The following MRTFA variants were observed in gnomAD, a reference collection of about 807,000 sequenced individuals.
MRTFA encodes myocardin related transcription factor A, also known as myocardin-related transcription factor A.
In MRTFA, 20 loss-of-function variants were observed where a neutral mutation model predicts 83.5. That is an observed-to-expected ratio of 0.24 (90% CI 0.17 to 0.35). The LOEUF (loss-of-function observed/expected upper bound fraction) is 0.35, where lower values mean the gene tolerates loss of function less well. Among genes scored for constraint, MRTFA ranks in the 10% least tolerant of loss-of-function variants. MRTFA has a pLI of 1.00. For missense variants in MRTFA, 1,200 were observed against 1,224.7 expected (o/e 0.98, Z 0.30); for synonymous variants, 659 against 541.2 (o/e 1.22, Z -3.02).
Position 40,420,461 on chromosome 22 carries a change from T to C in MRTFA, c.1297A>G (p.Ser433Gly), listed in dbSNP as rs762364841. The C allele has an allele frequency of 6.2e-7, 1 of 1,613,790 alleles. No homozygotes were observed. Among genetic ancestry groups the C allele is most frequent in the Non-Finnish European group, 8.5e-7 (1 of 1,180,024 alleles). ...CCCGGCTTGCCAGTCAGTGAGGTGCTGTTCTGACGTGCCAGCCCACAGGGC... is the reference window on the plus strand; with the variant it reads ...CCCGGCTTGCCAGTCAGTGAGGTGCCGTTCTGACGTGCCAGCCCACAGGGC... The change falls in exon 11 of 15, where the codon AGC (serine) becomes GGC (glycine). Residue 433 changes from serine to glycine, a missense_variant. Ser to Gly is a moderately conservative substitution (Grantham distance 56). Around this residue, in one of 2 missense-constraint regions of MRTFA, gnomAD observed 1,107 missense variants for 1,041.8 expected, o/e 1.06. Transcript: ENST00000355630.
At chr22:40,598,882 T>G (rs1220691434) in intron 1 of MRTFA, among the ~76,000 whole-genome samples, 1 of 151,158 alleles carries the variant, frequency 6.6e-6, no homozygotes, top group Non-Finnish European at 1.5e-5. Flanking sequence ...TCCCAGCTAC[T>G]TGGGAGGCTG....
intron 4 of MRTFA, among the ~76,000 whole-genome samples, chr22:40,444,665 GCCA>G (rs890422871): frequency 2.0e-5 from 3 of 152,140 alleles, no homozygotes; most frequent in African/African-American, 7.2e-5. Flanking sequence ...TCGACGTGTA[GCCA>G]CCACATTCAT....
rs906235323 is a variant in MRTFA, at chr22:40,505,659, A to T, written c.242-42373T>A. 1.3e-4 allele frequency among the ~76,000 whole-genome samples: 20 copies of T among 152,170 alleles called. 1 individual carries two copies. The highest frequency in any genetic ancestry group is 5.9e-5 in the Non-Finnish European group (4 of 68,024). On this transcript the variant is annotated intron_variant, in intron 3 of 14. Transcript: ENST00000355630. ...GGAACCTCCCTCATGAATGGGATTA[A>T]AGCCCTTATTAAAGAGGCTTCACAC...
Position 40,419,241 on chromosome 22 carries a change from G to A in MRTFA, c.1497C>T (p.Ile499=). 6.2e-7 allele frequency: 1 copy of A among 1,611,058 alleles called. No individual in the cohort carries two copies. Among genetic ancestry groups the A allele is most frequent in the Non-Finnish European group, 8.5e-7 (1 of 1,178,778 alleles). Residue 499 remains isoleucine (I), a synonymous_variant, in exon 12 of 15, where the codon ATC becomes ATT. Coordinates refer to ENST00000355630, the MANE Select transcript of MRTFA (RefSeq NM_020831.6). Reference sequence around the variant, plus strand: ...CCACCACCTCGCCAGCCTTGTGCAGGATAGAGGTGGCGGCAGGGGCCTTGG... The same window carrying A: ...CCACCACCTCGCCAGCCTTGTGCAGAATAGAGGTGGCGGCAGGGGCCTTGG...
At chr22:40,581,179 T>G (rs2055941498) in intron 2 of MRTFA, among the ~76,000 whole-genome samples, 1 of 152,164 alleles carries the variant, frequency 6.6e-6, no homozygotes, top group Non-Finnish European at 1.5e-5. Flanking sequence ...TAGACCTGAT[T>G]TGTCCATTCT....
At position 40,424,350 on chromosome 22, in the gene MRTFA, G is replaced by A; in HGVS notation, c.633C>T (p.Asp211=). ...TGCTGTCCTCATCGAAGGAAGAGCT[G>A]TCTGCTACTTTGGGATAGTTCACCT... is the stretch of plus-strand genomic sequence containing the variant. Residue 211 remains aspartate, a synonymous_variant, in exon 8 of 15, where the codon GAC becomes GAT. Transcript: ENST00000355630. 1 of 1,613,722 alleles carries A rather than the reference G, an allele frequency of 6.2e-7. No individual in the cohort carries two copies. Among genetic ancestry groups the A allele is most frequent in the Non-Finnish European group, 8.5e-7 (1 of 1,179,806 alleles).
At chr22:40,419,529 C>T (rs1732339971) in intron 11 of MRTFA, 145 bp from the exon 12 acceptor site, 2 of 695,920 alleles carry the variant, frequency 2.9e-6, no homozygotes, top group South Asian at 1.7e-5. Flanking sequence ...GTGCAATGCC[C>T]CCCACCACCT....
At chr22:40,525,999 G>A (rs534235176) in intron 3 of MRTFA, among the ~76,000 whole-genome samples, 126 of 151,880 alleles carry the variant, frequency 8.3e-4, no homozygotes, top group Non-Finnish European at 1.3e-3. Flanking sequence ...CAGGGAGTGC[G>A]CCTAACTAAA....
chr22:40,614,368 G>A (rs900855802), intron 1 of MRTFA, among the ~76,000 whole-genome samples: 2 of 149,420 alleles, frequency 1.3e-5, no homozygotes, highest in East Asian at 1.9e-4. Context: ...CTATGATCAC[G>A]CCAAAGCACT....
chr22:40,457,488 A>AAGAAAGAG (rs55710929), intron 4 of MRTFA, among the ~76,000 whole-genome samples: 2 of 126,596 alleles, frequency 1.6e-5, no homozygotes, highest in African/African-American at 2.7e-5. Context: ...GAAAGAAAGA[A>AAGAAAGAG]GGAAAGAAAG....
intron 3 of MRTFA, among the ~76,000 whole-genome samples, chr22:40,471,488 G>A (rs574055219): frequency 2.1e-4 from 32 of 152,194 alleles, no homozygotes; most frequent in African/African-American, 6.5e-4. Flanking sequence ...ATAGAACATC[G>A]GAATAGATGT....
intron 1 of MRTFA, among the ~76,000 whole-genome samples, chr22:40,619,447 T>C (rs1231446996): frequency 1.3e-5 from 2 of 152,192 alleles, no homozygotes; most frequent in Admixed American, 1.3e-4. Context: ...TTAGCTAAAT[T>C]GTGTCCAACA....
intron 3 of MRTFA, among the ~76,000 whole-genome samples, chr22:40,542,085 T>G (rs189009015): frequency 2.0e-5 from 3 of 152,344 alleles, no homozygotes; most frequent in African/African-American, 7.2e-5. Flanking sequence ...TCATTCATAC[T>G]TTATGTCTGA....
chr22:40,562,013 G>A (rs1013340419), intron 2 of MRTFA, among the ~76,000 whole-genome samples: 14 of 152,028 alleles, frequency 9.2e-5, no homozygotes, highest in African/African-American at 3.4e-4. Context: ...TCAGGAGCTC[G>A]AGACCATCCT....
intron 1 of MRTFA, among the ~76,000 whole-genome samples, chr22:40,616,915 A>G (rs1414801550): frequency 4.6e-5 from 7 of 151,898 alleles, no homozygotes. Context: ...CCTGGGCAAC[A>G]TGGTGAAACA....
intron 6 of MRTFA, 43 bp from the exon 7 acceptor site, chr22:40,429,810 GA>G (rs777845093): frequency 6.4e-7 from 1 of 1,556,008 alleles, no homozygotes; most frequent in African/African-American, 1.4e-5. Context: ...TATATGAGTG[GA>G]CGTGGTTCTG....
chr22:40,477,072 G>A (rs1158272666), intron 3 of MRTFA, among the ~76,000 whole-genome samples: 1 of 149,196 alleles, frequency 6.7e-6, no homozygotes, highest in East Asian at 2.0e-4. Context: ...GCTCATGCCT[G>A]TAATCCCAGC....
chr22:40,431,577 AC>A, intron 5 of MRTFA, 97 bp from the exon 6 acceptor site: 1 of 1,141,318 alleles, frequency 8.8e-7, no homozygotes, highest in Non-Finnish European at 1.3e-6. Flanking sequence ...GTAGCTGCTG[AC>A]CACCTCTGCA....
At chr22:40,630,573 GTC>G (rs2056631381) in intron 1 of MRTFA, among the ~76,000 whole-genome samples, 1 of 152,126 alleles carries the variant, frequency 6.6e-6, no homozygotes, top group Admixed American at 6.6e-5. Flanking sequence ...TAAAATGGAA[GTC>G]ATCTTCATTA....
Sources: gnomAD v4.1 joint callset for allele counts (sites outside exome capture counted in the v4.1 genomes callset) on GRCh38, gnomAD v4.1.1 for gene constraint, gnomAD v4.1.1 regional missense constraint, MANE v1.5 for transcripts, NCBI Gene and HGNC (gene_info 2026-07-23, HGNC 2026-07-21) for gene names.